SPOCK3: variants seen among roughly 807,000 people sequenced by gnomAD.
SPOCK3 encodes the protein SPARC (osteonectin), cwcv and kazal like domains proteoglycan 3, also known as testican-3.
A neutral mutation model predicts 56.6 loss-of-function variants in SPOCK3; 30 were observed. That is an observed-to-expected ratio of 0.53 (90% CI 0.40 to 0.72). The LOEUF is 0.72. Among genes scored for constraint, SPOCK3 ranks in the 30% least tolerant of loss-of-function variants. The pLI, the probability that SPOCK3 is intolerant of heterozygous loss-of-function variation, is 0.00. For missense variants in SPOCK3, 527 were observed against 530.0 expected, an observed-to-expected ratio of 0.99 and a Z score of 0.06; for synonymous variants, 196 against 183.3, an observed-to-expected ratio of 1.07 and a Z score of -0.56.
intron 2 of SPOCK3, among the ~76,000 whole-genome samples, chr4:167,068,094 AAAG>A (rs143818783): frequency 0.59 from 89,546 of 151,126 alleles, 27,905 homozygotes; most frequent in East Asian, 0.78. Flanking sequence ...AAAATGCTAA[AAAG>A]AATAATTATG....
At chr4:167,100,806 C>A (rs1759574471) in intron 2 of SPOCK3, among the ~76,000 whole-genome samples, 7 of 151,886 alleles carry the variant, frequency 4.6e-5, no homozygotes, top group Admixed American at 4.6e-4. Flanking sequence ...CCAATTATTC[C>A]CAAACAAGTA....
intron 2 of SPOCK3, among the ~76,000 whole-genome samples, chr4:167,106,384 C>T (rs1290541673): frequency 6.6e-6 from 1 of 151,794 alleles, no homozygotes; most frequent in Non-Finnish European, 1.5e-5. Flanking sequence ...TCCTTAATGA[C>T]CATTGTGTCA....
intron 2 of SPOCK3, among the ~76,000 whole-genome samples, chr4:167,109,410 T>C (rs1337947276): frequency 1.7e-4 from 13 of 76,270 alleles, no homozygotes; most frequent in Non-Finnish European, 2.9e-4. Context: ...TATATATAAA[T>C]ATATATATAA....
chr4:167,024,712 T>A (rs1349094998), intron 3 of SPOCK3, among the ~76,000 whole-genome samples: 5 of 151,614 alleles, frequency 3.3e-5, no homozygotes, highest in Non-Finnish European at 7.4e-5. Flanking sequence ...GGGTGGGAGG[T>A]GGGCAAGGGA....
intron 3 of SPOCK3, among the ~76,000 whole-genome samples, chr4:167,039,390 G>A (rs182135986): frequency 6.6e-6 from 1 of 152,040 alleles, no homozygotes; most frequent in African/African-American, 2.4e-5. Flanking sequence ...CCACAACACT[G>A]ATCTTACCTT....
At chr4:167,004,653 T>C (rs960588220) in intron 3 of SPOCK3, among the ~76,000 whole-genome samples, 1 of 152,066 alleles carries the variant, frequency 6.6e-6, no homozygotes, top group Non-Finnish European at 1.5e-5. Flanking sequence ...CTAAGATAAA[T>C]GGGTGTGAAG....
chr4:166,747,767 G>A (rs1202853223), intron 8 of SPOCK3, among the ~76,000 whole-genome samples: 1 of 152,058 alleles, frequency 6.6e-6, no homozygotes, highest in Admixed American at 6.5e-5. Context: ...CCCTTAAGCT[G>A]ATAAGCAACT....
chr4:166,863,450 T>G (rs1343920072), intron 6 of SPOCK3, among the ~76,000 whole-genome samples: 1 of 152,098 alleles, frequency 6.6e-6, no homozygotes, highest in African/African-American at 2.4e-5. Flanking sequence ...TAACCTTAAA[T>G]GTAAATGGGC....
intron 2 of SPOCK3, among the ~76,000 whole-genome samples, chr4:167,078,722 T>C (rs1355552427): frequency 6.6e-6 from 1 of 151,946 alleles, no homozygotes; most frequent in East Asian, 1.9e-4. Context: ...AATTTTATTA[T>C]GCTTCAATTT....
chr4:167,014,689 G>C (rs1268578803), intron 3 of SPOCK3, among the ~76,000 whole-genome samples: 1 of 151,832 alleles, frequency 6.6e-6, no homozygotes, highest in Non-Finnish European at 1.5e-5. Context: ...AAGGTTTTAA[G>C]TACAGATATG....
At chr4:166,901,889 C>T (rs1328177963) in intron 5 of SPOCK3, among the ~76,000 whole-genome samples, 5 of 152,080 alleles carry the variant, frequency 3.3e-5, no homozygotes, top group Admixed American at 3.3e-4. Context: ...TTAAAAGCTA[C>T]ATGAGATAAA....
chr4:167,064,473 C>T (rs1489747422), intron 2 of SPOCK3, among the ~76,000 whole-genome samples: 1 of 151,724 alleles, frequency 6.6e-6, no homozygotes, highest in Admixed American at 6.6e-5. Flanking sequence ...TAAATTACTC[C>T]ACTAAATGTC....
intron 2 of SPOCK3, among the ~76,000 whole-genome samples, chr4:167,205,530 T>TAA (rs1343035754): frequency 1.7e-5 from 1 of 60,206 alleles, no homozygotes. Flanking sequence ...ATATATATTA[T>TAA]TATATAATAT....
chr4:167,063,406 A>G (rs1041959863), intron 2 of SPOCK3, among the ~76,000 whole-genome samples: 1 of 151,886 alleles, frequency 6.6e-6, no homozygotes, highest in African/African-American at 2.4e-5. Context: ...GTAACCTGCC[A>G]AAAGAGAGTA....
intron 6 of SPOCK3, among the ~76,000 whole-genome samples, chr4:166,878,587 A>T (rs1385269936): frequency 1.3e-5 from 2 of 152,166 alleles, no homozygotes; most frequent in African/African-American, 4.8e-5. Context: ...TAGTAAGTTC[A>T]TTTTAAAAAT....
chr4:166,892,245 G>A (rs1734862795), intron 5 of SPOCK3, among the ~76,000 whole-genome samples: 1 of 151,800 alleles, frequency 6.6e-6, no homozygotes. Context: ...CTGTCTTTAT[G>A]ATTTTCATGA....
In SPOCK3 at chr4:166,841,981, T is replaced by C. The variant is rs548092270; in HGVS notation, c.589+47149A>G. 1.4e-4 allele frequency among the ~76,000 whole-genome samples: 21 copies of C among 152,338 alleles called. No homozygotes were observed. In the East Asian group the frequency reaches 3.3e-3, roughly 24 times the overall value. On this transcript the variant is annotated intron_variant, in intron 6 of 10. Transcript: ENST00000357545. ...TTTGGAGTTTCTTCCTTCTGGTGGG[T>C]CTGTGGTCTCGCTGGCTTCAGGAGT... is the stretch of plus-strand genomic sequence containing the variant.
chr4:166,892,821 A>G (rs1408888296), intron 5 of SPOCK3, among the ~76,000 whole-genome samples: 2 of 152,080 alleles, frequency 1.3e-5, no homozygotes, highest in Admixed American at 1.3e-4. Flanking sequence ...TTTTACAGTC[A>G]TTTGTTTAAT....
chr4:166,919,598 C>T (rs924471978), intron 4 of SPOCK3, among the ~76,000 whole-genome samples: 1 of 152,170 alleles, frequency 6.6e-6, no homozygotes, highest in Admixed American at 6.5e-5. Context: ...GGTCCATACT[C>T]TTTCCACCTA....
Sources: gnomAD v4.1 joint callset for allele counts (sites outside exome capture counted in the v4.1 genomes callset) on GRCh38, gnomAD v4.1.1 for gene constraint, MANE v1.5 for transcripts, NCBI Gene and HGNC (gene_info 2026-07-23, HGNC 2026-07-21) for gene names.